Variants in TXLNG observed in about 807,000 individuals in gnomAD.
TXLNG encodes the protein taxilin gamma, also known as gamma-taxilin.
Under a neutral mutation model 38.8 loss-of-function variants are expected in TXLNG, and 5 were observed. That is an observed-to-expected ratio of 0.13 (90% CI 0.07 to 0.27). The LOEUF (loss-of-function observed/expected upper bound fraction) is 0.27, where lower values mean the gene tolerates loss of function less well. TXLNG is among the 10% of genes least tolerant of loss of function. The pLI, the probability that TXLNG is intolerant of heterozygous loss-of-function variation, is 1.00. For missense variants in TXLNG, 393 were observed against 398.2 expected (o/e 0.99, Z 0.11); for synonymous variants, 182 against 158.2 (o/e 1.15, Z -1.13).
At chrX:16,815,046 G>A (rs962869452) in intron 1 of TXLNG, among the ~76,000 whole-genome samples, 5 of 111,814 alleles carry the variant, frequency 4.5e-5, no homozygotes, top group African/African-American at 9.8e-5. Flanking sequence ...TTTTTTCTAC[G>A]AATTTCATGC....
intron 1 of TXLNG, among the ~76,000 whole-genome samples, chrX:16,807,116 T>G (rs1928361458): frequency 9.1e-6 from 1 of 110,168 alleles, no homozygotes; most frequent in Non-Finnish European, 1.9e-5. Context: ...ACCACAAAAT[T>G]AAAAAACAAC....
chrX:16,824,104 T>C (rs1929081596), intron 3 of TXLNG, among the ~76,000 whole-genome samples: 1 of 112,186 alleles, frequency 8.9e-6, no homozygotes, highest in South Asian at 3.7e-4. Context: ...ATATGGTAGC[T>C]CAGCCCTGTA....
chrX:16,836,908 C>G (rs1221690177), intron 7 of TXLNG, among the ~76,000 whole-genome samples: 3 of 111,548 alleles, frequency 2.7e-5, no homozygotes, highest in Non-Finnish European at 5.6e-5. Context: ...TGAGGGCCAG[C>G]TCAGGCCTCC....
chrX:16,794,033 C>T (rs1271551564), intron 1 of TXLNG, among the ~76,000 whole-genome samples: 3 of 111,621 alleles, frequency 2.7e-5, no homozygotes, highest in Admixed American at 9.7e-5. Context: ...CCTATTATAT[C>T]TACTTATGGC....
chrX:16,841,359 G>A (rs776250568), intron 9 of TXLNG, 69 bp from the exon 10 acceptor site: 70 of 1,007,119 alleles, frequency 7.0e-5, no homozygotes, highest in Middle Eastern at 3.0e-4. Flanking sequence ...ATATGGCTGA[G>A]CTGGCTTAAT....
At chrX:16,798,164 C>T (rs776789928) in intron 1 of TXLNG, among the ~76,000 whole-genome samples, 32 of 112,022 alleles carry the variant, frequency 2.9e-4, no homozygotes, top group Non-Finnish European at 4.9e-4. Flanking sequence ...TTAGTCATTT[C>T]GAAAATATTG....
intron 1 of TXLNG, among the ~76,000 whole-genome samples, chrX:16,817,488 AAT>A (rs758859717): frequency 5.3e-5 from 6 of 112,347 alleles, no homozygotes; most frequent in Non-Finnish European, 9.4e-5. Flanking sequence ...TAAAATCTCA[AAT>A]ATCTGCTCTC....
intron 1 of TXLNG, among the ~76,000 whole-genome samples, chrX:16,811,426 A>G (rs769909020): frequency 2.2e-4 from 24 of 110,520 alleles, no homozygotes; most frequent in Admixed American, 1.3e-3. Flanking sequence ...GCGCGATCTC[A>G]GCTTGCTGCA....
intron 1 of TXLNG, among the ~76,000 whole-genome samples, chrX:16,815,516 T>A (rs1928705378): frequency 9.3e-6 from 1 of 107,926 alleles, no homozygotes; most frequent in East Asian, 2.9e-4. Flanking sequence ...AGGGAATAGA[T>A]TTGAAACTAT....
At chrX:16,809,275 T>G (rs948754503) in intron 1 of TXLNG, among the ~76,000 whole-genome samples, 19 of 109,142 alleles carry the variant, frequency 1.7e-4, no homozygotes, top group African/African-American at 6.3e-4. Context: ...CAGGAATGCT[T>G]GAGAATGCCC....
chrX:16,795,243 C>A (rs942462471), intron 1 of TXLNG, among the ~76,000 whole-genome samples: 1 of 110,545 alleles, frequency 9.0e-6, no homozygotes, highest in Non-Finnish European at 1.9e-5. Flanking sequence ...CGCCACTGCA[C>A]TCCAGCCTGG....
intron 1 of TXLNG, among the ~76,000 whole-genome samples, chrX:16,789,619 T>G (rs766507740): frequency 1.9e-5 from 2 of 104,276 alleles, no homozygotes; most frequent in African/African-American, 3.5e-5. Context: ...CAGGCATTTT[T>G]TAGAACATCA....
At chrX:16,829,991 A>G (rs1458257515) in intron 5 of TXLNG, among the ~76,000 whole-genome samples, 1 of 110,799 alleles carries the variant, frequency 9.0e-6, no homozygotes, top group Non-Finnish European at 1.9e-5. Flanking sequence ...TTTCTAGGAG[A>G]CCCGTTTAAG....
chrX:16,803,927 G>A (rs983858578), intron 1 of TXLNG, among the ~76,000 whole-genome samples: 1 of 110,030 alleles, frequency 9.1e-6, no homozygotes, highest in Non-Finnish European at 1.9e-5. Context: ...ACTCCAGCCT[G>A]GGCAACAGAG....
chrX:16,831,014 C>CA (rs1484529618), intron 5 of TXLNG, among the ~76,000 whole-genome samples: 1 of 110,458 alleles, frequency 9.1e-6, no homozygotes, highest in East Asian at 2.9e-4. Context: ...CTGATAATTT[C>CA]ATCTCTGTTC....
At chrX:16,804,860 T>A in intron 1 of TXLNG, among the ~76,000 whole-genome samples, 1 of 107,546 alleles carries the variant, frequency 9.3e-6, no homozygotes, top group African/African-American at 3.4e-5. Flanking sequence ...ATAGTATAAA[T>A]TGGGCCCAAT....
intron 1 of TXLNG, among the ~76,000 whole-genome samples, chrX:16,818,194 C>G (rs1352298127): frequency 1.8e-5 from 2 of 110,876 alleles, no homozygotes; most frequent in Non-Finnish European, 3.8e-5. Flanking sequence ...AGCTAGCTAG[C>G]CATCCCTGCT....
intron 1 of TXLNG, among the ~76,000 whole-genome samples, chrX:16,809,800 A>G (rs765525162): frequency 8.9e-6 from 1 of 111,922 alleles, no homozygotes; most frequent in South Asian, 3.7e-4. Flanking sequence ...CAGCATCTGT[A>G]TACATATATA....
In TXLNG at chrX:16,823,362, G is replaced by A. The variant is rs1044968817; in HGVS notation, c.498+3107G>A. ...AATCCCAGCTACTCAGGAGGCTGAG[G>A]CAGGAGAATCACTTGAACCTGGGAA... On this transcript the variant is annotated intron_variant, in intron 3 of 9. Transcript: ENST00000380122. 7.6e-5 allele frequency among the ~76,000 whole-genome samples: 8 copies of A among 105,931 alleles called. No individual in the cohort carries two copies. In the South Asian group the frequency reaches 2.6e-3, roughly 34 times the overall value. The allele number at this position is 105,931 out of a possible 115,157, so 92.0% of individuals were successfully genotyped here. A position where few individuals can be genotyped will look rare whatever the true frequency, so the allele number is the denominator to read the frequency against.
Sources: gnomAD v4.1 joint callset for allele counts (sites outside exome capture counted in the v4.1 genomes callset) on GRCh38, gnomAD v4.1.1 for gene constraint, MANE v1.5 for transcripts, NCBI Gene and HGNC (gene_info 2026-07-23, HGNC 2026-07-21) for gene names.